Variants in HECTD4 observed in about 807,000 individuals in gnomAD.
HECTD4 encodes HECT domain E3 ubiquitin protein ligase 4.
HECTD4 carries 114 observed loss-of-function variants against 471.5 expected under a neutral mutation model. That is an observed-to-expected ratio of 0.24 (90% CI 0.21 to 0.28). The LOEUF is 0.28. HECTD4 is among the 10% of genes least tolerant of loss of function. The probability of loss-of-function intolerance (pLI) is 1.00; values close to 1 mark genes in which losing one functional copy is unlikely to be tolerated. For missense variants in HECTD4, 3,866 were observed against 5,651.5 expected (o/e 0.68, Z 10.13); for synonymous variants, 2,012 against 2,256.0 (o/e 0.89, Z 3.07).
rs1209436955 is a variant in HECTD4 at position 112,208,489 on chromosome 12, C to G, written c.8004+5G>C. On this transcript the variant is annotated splice_donor_5th_base_variant and intron_variant, in intron 51 of 75. Transcript: ENST00000682272. Reference sequence around the variant, plus strand: ...AGTCCTGATCTAAGCCTGTGGGTCTCTTACCTGAGGGATGTCATCATCGTC... The same window carrying G: ...AGTCCTGATCTAAGCCTGTGGGTCTGTTACCTGAGGGATGTCATCATCGTC... 1.3e-6 allele frequency: 2 copies of G among 1,580,312 alleles called. No homozygotes were observed. Among genetic ancestry groups the G allele is most frequent in the Non-Finnish European group, 1.7e-6 (2 of 1,166,076 alleles).
intron 2 of HECTD4, among the ~76,000 whole-genome samples, chr12:112,317,507 A>G (rs2035502683): frequency 6.6e-6 from 1 of 152,220 alleles, no homozygotes; most frequent in Non-Finnish European, 1.5e-5. Context: ...ATCCCAACCA[A>G]GGAAAAAATT....
intron 7 of HECTD4, among the ~76,000 whole-genome samples, chr12:112,287,485 T>C (rs1288279459): frequency 6.6e-6 from 1 of 152,028 alleles, no homozygotes; most frequent in Non-Finnish European, 1.5e-5. Flanking sequence ...CTTTAGGAAG[T>C]AACATAAGGA....
chr12:112,298,209 T>C lies in HECTD4; in HGVS notation c.1335+7855A>G, dbSNP rs1594022585. Among the ~76,000 whole-genome samples, 2 of 152,122 alleles carry C rather than the reference T, an allele frequency of 1.3e-5. 1 individual carries two copies. The highest frequency in any genetic ancestry group is 3.9e-4 in the East Asian group (2 of 5,182). The stretch of plus-strand genomic sequence containing the variant: ...TAGAGTGCCTTGAGGTGGGCACGAA[T>C]CAGGAGAGTTGGTTTTGTTTTTTCA... On this transcript the variant is annotated intron_variant, in intron 7 of 75. Coordinates refer to ENST00000682272, the MANE Select transcript of HECTD4 (RefSeq NM_001388303.1).
rs1555253276 is a variant in HECTD4, at chr12:112,248,304, G to C, written c.4143+16C>G. ...TCCATAAAAGAAATTGTTTCCAACA[G>C]TTATCAGACATTTACCTGCAGCTGT... is the stretch of plus-strand genomic sequence containing the variant. On this transcript the variant is annotated intron_variant, in intron 26 of 75. Coordinates refer to ENST00000682272, the MANE Select transcript of HECTD4 (RefSeq NM_001388303.1). The C allele has an allele frequency of 6.4e-7, 1 of 1,564,730 alleles. No individual in the cohort carries two copies.
chr12:112,169,948 C>G, intron 69 of HECTD4: 2 of 564,216 alleles, frequency 3.5e-6, no homozygotes, highest in Non-Finnish European at 6.4e-6. Context: ...CCCAACTCCT[C>G]TCTCGTTTCC....
intron 7 of HECTD4, among the ~76,000 whole-genome samples, chr12:112,283,959 T>C (rs1039099716): frequency 6.6e-6 from 1 of 151,530 alleles, no homozygotes; most frequent in African/African-American, 2.4e-5. Flanking sequence ...TTTCTTCTTT[T>C]TTTTTTTTTT....
chr12:112,267,362 T>TA (rs568357023), intron 13 of HECTD4: 127 of 164,656 alleles, frequency 7.7e-4, no homozygotes, highest in Middle Eastern at 5.0e-3. Flanking sequence ...AAAAAGGCAT[T>TA]AAAAAAAAAT....
At position 112,248,527 on chromosome 12, in the gene HECTD4, G is replaced by A. The variant is rs1317258416; in HGVS notation, c.3951-15C>T. ...GAATCACTTCTCTGTGATCACAATG[G>A]AAATCAGTCAGATATATGCCATGCT... On this transcript the variant is annotated splice_polypyrimidine_tract_variant and intron_variant, in intron 25 of 75. Coordinates refer to ENST00000682272, the MANE Select transcript of HECTD4 (RefSeq NM_001388303.1). 6.4e-7 allele frequency: 1 copy of A among 1,569,852 alleles called. No homozygotes were observed. The highest frequency in any genetic ancestry group is 2.3e-5 in the East Asian group (1 of 44,444).
chr12:112,254,029 A>C lies in HECTD4; in HGVS notation c.3447+14T>G. ...TTTTCTTTTCTAGGAAGCGATTATG[A>C]CTGAATACCATACCTTCACCAAGTC... On this transcript the variant is annotated intron_variant, in intron 22 of 75. Transcript: ENST00000682272. 2 of 1,613,606 alleles carry C rather than the reference A, an allele frequency of 1.2e-6. No homozygotes were observed. Among genetic ancestry groups the C allele is most frequent in the Non-Finnish European group, 1.7e-6 (2 of 1,179,664 alleles).
chr12:112,172,613 G>T, intron 67 of HECTD4, 58 bp downstream of exon 67: 1 of 1,546,862 alleles, frequency 6.5e-7, no homozygotes, highest in Non-Finnish European at 8.9e-7. Flanking sequence ...AATGCCCCTT[G>T]TCATGGGGCA....
chr12:112,255,285 C>T (rs2033983675), intron 21 of HECTD4, among the ~76,000 whole-genome samples: 3 of 152,142 alleles, frequency 2.0e-5, no homozygotes, highest in South Asian at 2.1e-4. Context: ...CTATGAATTA[C>T]GGTGGACTGA....
rs138246589 is a variant in HECTD4 at position 112,251,126 on chromosome 12, C to G, written c.3561G>C (p.Ser1187=). 1.2e-6 allele frequency: 2 copies of G among 1,613,486 alleles called. No individual in the cohort carries two copies. The highest frequency in any genetic ancestry group is 1.3e-5 in the African/African-American group (1 of 74,900). Residue 1187 remains serine (S), a synonymous_variant, in exon 24 of 76, where the codon TCG becomes TCC. Transcript: ENST00000682272. ...FACTVRAQES[S]EDVSGGLPFL... ...AGGGCAAGCCTCCTGAGACATCCTC[C>G]GAAGACTCCTACAATGCAGACAGGG...
intron 54 of HECTD4, chr12:112,202,951 T>C (rs992726113): frequency 6.6e-6 from 1 of 152,126 alleles, no homozygotes; most frequent in African/African-American, 2.4e-5. Context: ...AAAACTTTTT[T>C]CTTTTTTTTT....
intron 7 of HECTD4, among the ~76,000 whole-genome samples, chr12:112,292,599 C>G (rs1266406837): frequency 2.0e-5 from 3 of 152,192 alleles, no homozygotes; most frequent in African/African-American, 7.2e-5. Flanking sequence ...TATGTGAAGA[C>G]ATAGCTATCT....
At chr12:112,259,034 C>G in intron 19 of HECTD4, 78 bp downstream of exon 19, 1 of 1,278,864 alleles carries the variant, frequency 7.8e-7, no homozygotes, top group South Asian at 1.5e-5. Context: ...TTTATTCTGT[C>G]TTCAGTGAAA....
chr12:112,167,562 G>A, intron 71 of HECTD4, 24 bp from the exon 72 acceptor site: 2 of 1,540,882 alleles, frequency 1.3e-6, no homozygotes, highest in Non-Finnish European at 1.8e-6. Flanking sequence ...TGGGCATGAG[G>A]TGACCTGGGC....
Position 112,283,148 on chromosome 12 carries a change from C to A in HECTD4, c.1490G>T (p.Gly497Val). 1 of 1,613,628 alleles carries A rather than the reference C, an allele frequency of 6.2e-7. No individual in the cohort carries two copies. Among genetic ancestry groups the A allele is most frequent in the Non-Finnish European group, 8.5e-7 (1 of 1,179,786 alleles). The stretch of plus-strand genomic sequence containing the variant: ...TTTCAGTGTGTTGGAGATGGTGGAA[C>A]CAGTCAGGGCAGCAAGCGTTGCTGA... ...SPSATLAALT[G>V]STISNTLKED... is the part of the protein sequence containing the mutation. Residue 497 changes from glycine (G) to valine (V), a missense_variant, in exon 8 of 76, where the codon GGT becomes GTT. Gly to Val is a moderately radical substitution (Grantham distance 109). This residue lies in a region of HECTD4 where 440 missense variants were observed against 636.0 expected (regional missense o/e 0.69). Transcript: ENST00000682272.
chr12:112,243,865 G>A lies in HECTD4; in HGVS notation c.4649+9C>T, dbSNP rs2033697673. 6.2e-7 allele frequency: 1 copy of A among 1,613,166 alleles called. No individual in the cohort carries two copies. Among genetic ancestry groups the A allele is most frequent in the African/African-American group, 1.3e-5 (1 of 74,918 alleles). On this transcript the variant is annotated intron_variant, in intron 30 of 75. Coordinates refer to ENST00000682272, the MANE Select transcript of HECTD4 (RefSeq NM_001388303.1). This position sits in a 1 kb window ranked among gnomAD's most constrained non-coding sequence, Gnocchi z 6.6. ...TGTGGGAACCCAACCCCGGCCATTA[G>A]CCATTTACCTCTGATTTGCTCTAGT...
At position 112,183,095 on chromosome 12, in the gene HECTD4, C is replaced by T. The variant is rs746671114; in HGVS notation, c.10951G>A (p.Gly3651Arg). 1.2e-6 allele frequency: 2 copies of T among 1,613,626 alleles called. No individual in the cohort carries two copies. The highest frequency in any genetic ancestry group is 2.2e-5 in the East Asian group (1 of 44,882). The change falls in exon 62 of 76, where the codon GGG becomes AGG. Residue 3651 changes from glycine (G) to arginine (R), a missense_variant. Physicochemically the swap from Gly to Arg is moderately radical, Grantham distance 125. Transcript: ENST00000682272. ...QSLFDTQGSP[G>R]LEDYFNDKSI... is the part of the protein sequence containing the mutation. The stretch of plus-strand genomic sequence containing the variant: ...TTATCATTGAAATAATCTTCTAACC[C>T]TGGGCTCCCTTGAGTATCAAAGAGA...
Sources: gnomAD v4.1 joint callset for allele counts (sites outside exome capture counted in the v4.1 genomes callset) on GRCh38, gnomAD v4.1.1 for gene constraint, gnomAD v4.1.1 regional missense constraint, Gnocchi (gnomAD v3.1) non-coding constraint, MANE v1.5 for transcripts, NCBI Gene and HGNC (gene_info 2026-07-23, HGNC 2026-07-21) for gene names.